ARHGAP24: variants seen among roughly 807,000 people sequenced by gnomAD.
ARHGAP24 encodes rho GTPase-activating protein 24.
ARHGAP24 carries 50 observed loss-of-function variants against 76.4 expected under a neutral mutation model. The observed-to-expected ratio is 0.65, with a 90% CI of 0.52 to 0.83. ARHGAP24 has a LOEUF of 0.83. ARHGAP24 is among the 40% of genes least tolerant of loss of function. The pLI, the probability that ARHGAP24 is intolerant of heterozygous loss-of-function variation, is 0.00. For synonymous variants in ARHGAP24, 345 were observed against 323.3 expected (o/e 1.07, Z -0.72); for missense variants, 930 against 914.2 (o/e 1.02, Z -0.22).
chr4:85,894,570 A>G (rs1381780014), intron 3 of ARHGAP24, among the ~76,000 whole-genome samples: 2 of 152,242 alleles, frequency 1.3e-5, no homozygotes, highest in Middle Eastern at 3.2e-3. Context: ...GCAAAGTTGA[A>G]TCACTAAGGA....
chr4:85,545,502 T>G (rs754447589), intron 1 of ARHGAP24, among the ~76,000 whole-genome samples: 50 of 152,370 alleles, frequency 3.3e-4, no homozygotes, highest in Middle Eastern at 3.4e-3. Context: ...CCCCTTGGGC[T>G]GAGACTATCA....
Position 85,904,199 on chromosome 4 carries a change from C to T in ARHGAP24, c.269-19449C>T, listed in dbSNP as rs550702134. 2.6e-5 allele frequency among the ~76,000 whole-genome samples: 4 copies of T among 152,272 alleles called. No individual in the cohort carries two copies. In the South Asian group the frequency reaches 8.3e-4, roughly 32 times the overall value. On this transcript the variant is annotated intron_variant, in intron 3 of 9. Coordinates refer to ENST00000395184, the MANE Select transcript of ARHGAP24 (RefSeq NM_001025616.3). ...ATGGTCCTGCAGGCTATACAGGAAGCATAGCAGCATCTGCTTCTAAGGAGG... is the reference window on the plus strand; with the variant it reads ...ATGGTCCTGCAGGCTATACAGGAAGTATAGCAGCATCTGCTTCTAAGGAGG...
intron 1 of ARHGAP24, among the ~76,000 whole-genome samples, chr4:85,569,660 T>C (rs1467905741): frequency 6.6e-6 from 1 of 152,184 alleles, no homozygotes; most frequent in Non-Finnish European, 1.5e-5. Context: ...AGGAAAAAAC[T>C]ATAGAAAAAA....
chr4:85,848,375 G>A (rs757592570), intron 3 of ARHGAP24, among the ~76,000 whole-genome samples: 12 of 152,060 alleles, frequency 7.9e-5, no homozygotes, highest in East Asian at 1.9e-4. Context: ...GATGTTCCCC[G>A]CCCTGTGTCC....
chr4:85,995,496 G>A lies in ARHGAP24; in HGVS notation c.1842G>A (p.Arg614=). ...PRDYESKSDH[R]SVGGRSSRAT... ...ACTATGAAAGCAAAAGTGACCACAG[G>A]AGTGTGGGAGGTCGAAGTAGTCGTG... The change falls in exon 9 of 10, where the codon AGG becomes AGA. Residue 614 remains arginine, a synonymous_variant. Coordinates refer to ENST00000395184, the MANE Select transcript of ARHGAP24 (RefSeq NM_001025616.3). 1.2e-6 allele frequency: 2 copies of A among 1,602,774 alleles called. No individual in the cohort carries two copies. The highest frequency in any genetic ancestry group is 1.1e-5 in the South Asian group (1 of 88,964).
At chr4:85,641,381 A>T (rs990511569) in intron 2 of ARHGAP24, among the ~76,000 whole-genome samples, 3 of 152,336 alleles carry the variant, frequency 2.0e-5, no homozygotes, top group African/African-American at 7.2e-5. Flanking sequence ...CAGACAGGGT[A>T]GTTTAAGCAG....
intron 8 of ARHGAP24, among the ~76,000 whole-genome samples, chr4:85,984,136 A>G (rs1425250975): frequency 1.3e-5 from 2 of 152,184 alleles, no homozygotes; most frequent in Non-Finnish European, 2.9e-5. Flanking sequence ...CAGGCCTATG[A>G]GATCAAAAGT....
At chr4:85,836,478 T>C (rs998146363) in intron 3 of ARHGAP24, among the ~76,000 whole-genome samples, 1 of 152,198 alleles carries the variant, frequency 6.6e-6, no homozygotes, top group Non-Finnish European at 1.5e-5. Flanking sequence ...TAGATGCCTG[T>C]CTTCCTATGT....
At chr4:85,497,971 A>G (rs1286565526) in intron 1 of ARHGAP24, among the ~76,000 whole-genome samples, 4 of 152,178 alleles carry the variant, frequency 2.6e-5, no homozygotes, top group African/African-American at 9.7e-5. Context: ...CCAACTTGTA[A>G]ATTTCTATTC....
At chr4:85,757,373 A>T (rs6819529) in intron 3 of ARHGAP24, among the ~76,000 whole-genome samples, 4 of 150,934 alleles carry the variant, frequency 2.7e-5, no homozygotes, top group Admixed American at 6.6e-5. Flanking sequence ...CCTCTCCCGC[A>T]ACCCCACGAC....
At chr4:85,862,718 G>C (rs1731971914) in intron 3 of ARHGAP24, among the ~76,000 whole-genome samples, 1 of 152,058 alleles carries the variant, frequency 6.6e-6, no homozygotes, top group African/African-American at 2.4e-5. Context: ...CGCACTACCA[G>C]TTCCTTTTGC....
intron 3 of ARHGAP24, among the ~76,000 whole-genome samples, chr4:85,848,018 CATCTA>C (rs919691534): frequency 1.4e-4 from 21 of 152,098 alleles, no homozygotes; most frequent in Non-Finnish European, 1.2e-4. Flanking sequence ...GAGAGATAGT[CATCTA>C]ATCTGTTTTC....
chr4:85,661,725 T>A (rs1303388794), intron 2 of ARHGAP24, among the ~76,000 whole-genome samples: 2 of 151,516 alleles, frequency 1.3e-5, no homozygotes, highest in African/African-American at 4.9e-5. Flanking sequence ...TGTCCATGTG[T>A]TCTCATTGTT....
At chr4:85,769,160 G>C (rs1727036850) in intron 3 of ARHGAP24, among the ~76,000 whole-genome samples, 1 of 152,190 alleles carries the variant, frequency 6.6e-6, no homozygotes, top group African/African-American at 2.4e-5. Context: ...AAAGAGGAAT[G>C]GATATGAAGG....
intron 3 of ARHGAP24, among the ~76,000 whole-genome samples, chr4:85,861,422 T>A (rs1578312557): frequency 6.6e-6 from 1 of 152,246 alleles, no homozygotes; most frequent in Non-Finnish European, 1.5e-5. Flanking sequence ...CCTTCATCAT[T>A]TCTTATTGCT....
intron 3 of ARHGAP24, among the ~76,000 whole-genome samples, chr4:85,894,982 A>AAAAC (rs1734074114): frequency 4.7e-5 from 1 of 21,194 alleles, no homozygotes; most frequent in Non-Finnish European, 1.1e-4. Flanking sequence ...AAAAAAAAAA[A>AAAAC]AAAAAACAAA....
intron 3 of ARHGAP24, among the ~76,000 whole-genome samples, chr4:85,819,878 C>T (rs193121651): frequency 1.3e-5 from 2 of 152,298 alleles, no homozygotes; most frequent in Middle Eastern, 3.4e-3. Context: ...TGACATCGTG[C>T]CATTGCACTC....
At chr4:85,934,612 T>C (rs958580000) in intron 4 of ARHGAP24, among the ~76,000 whole-genome samples, 1 of 152,150 alleles carries the variant, frequency 6.6e-6, no homozygotes, top group Non-Finnish European at 1.5e-5. Flanking sequence ...CCTCCCGGGT[T>C]CAAGTGATTC....
chr4:85,887,184 T>A (rs1264947710), intron 3 of ARHGAP24, among the ~76,000 whole-genome samples: 6 of 152,160 alleles, frequency 3.9e-5, no homozygotes. Context: ...ATGATGATTA[T>A]TTAATAATTG....
Sources: gnomAD v4.1 joint callset for allele counts (sites outside exome capture counted in the v4.1 genomes callset) on GRCh38, gnomAD v4.1.1 for gene constraint, MANE v1.5 for transcripts, NCBI Gene and HGNC (gene_info 2026-07-23, HGNC 2026-07-21) for gene names.